Variants in AGAP1 observed in about 807,000 individuals in gnomAD.
The protein encoded by AGAP1 is arf-GAP with GTPase, ANK repeat and PH domain-containing protein 1.
AGAP1 carries 29 observed loss-of-function variants against 105.3 expected under a neutral mutation model. The ratio of observed to expected loss-of-function variants is 0.28; its 90% CI spans 0.21 to 0.38. The LOEUF is 0.38. AGAP1 is among the 10% of genes least tolerant of loss of function. AGAP1 has a pLI of 1.00. For synonymous variants in AGAP1, 509 were observed against 485.9 expected (o/e 1.05, Z -0.63); for missense variants, 998 against 1,165.1 (o/e 0.86, Z 2.09).
At chr2:235,794,746 A>G (rs1366616226) in intron 6 of AGAP1, among the ~76,000 whole-genome samples, 1 of 152,200 alleles carries the variant, frequency 6.6e-6, no homozygotes, top group East Asian at 1.9e-4. Flanking sequence ...TGCTGGGATT[A>G]CAGGTATGAG....
chr2:235,584,242 G>GA (rs1270917994), intron 1 of AGAP1, among the ~76,000 whole-genome samples: 1 of 150,996 alleles, frequency 6.6e-6, no homozygotes, highest in Non-Finnish European at 1.5e-5. Flanking sequence ...AAGGCCTTGG[G>GA]AAAGCCTGTG....
intron 13 of AGAP1, among the ~76,000 whole-genome samples, chr2:235,999,340 A>C (rs1462075411): frequency 1.2e-5 from 1 of 83,446 alleles, no homozygotes; most frequent in Non-Finnish European, 2.5e-5. Flanking sequence ...TGATGATGAT[A>C]GTGGTGATGG....
intron 6 of AGAP1, among the ~76,000 whole-genome samples, chr2:235,767,560 A>G (rs1955068419): frequency 6.6e-6 from 1 of 152,178 alleles, no homozygotes. Context: ...TCCTGGGAGC[A>G]TGACGGGAGT....
intron 11 of AGAP1, among the ~76,000 whole-genome samples, chr2:235,928,202 C>G (rs927380829): frequency 3.9e-5 from 6 of 152,196 alleles, no homozygotes; most frequent in Admixed American, 3.3e-4. Context: ...GTCTGGAAGC[C>G]TTTTGTCTGC....
Position 235,747,771 on chromosome 2 carries a change from C to T in AGAP1, c.539-2583C>T, listed in dbSNP as rs533557470. On this transcript the variant is annotated intron_variant, in intron 5 of 17. Transcript: ENST00000304032. The surrounding 1 kb of genome is among the most constrained non-coding windows in gnomAD (Gnocchi z 5.0). ...TCAGGGGTTTGGCTTCCTGGGATGC[C>T]AGAGACAAAAGAGGGATCAGGTTGT... Among the ~76,000 whole-genome samples, 1 of 152,354 alleles carries T rather than the reference C, an allele frequency of 6.6e-6. No homozygotes were observed. The highest frequency in any genetic ancestry group is 6.5e-5 in the Admixed American group (1 of 15,308).
In AGAP1 at chr2:235,739,945, G is replaced by A. The variant is rs569453826; in HGVS notation, c.311-1018G>A. ...GGCAGCATTGTCCTCTGGGTCCAGCGATTTGGGGTTTAGACAGGGTTTCTG... is the reference window on the plus strand; with the variant it reads ...GGCAGCATTGTCCTCTGGGTCCAGCAATTTGGGGTTTAGACAGGGTTTCTG... On this transcript the variant is annotated intron_variant, in intron 3 of 17. Coordinates refer to ENST00000304032, the MANE Select transcript of AGAP1 (RefSeq NM_001037131.3). This position sits in a 1 kb window ranked among gnomAD's most constrained non-coding sequence, Gnocchi z 5.3. Among the ~76,000 whole-genome samples the A allele has an allele frequency of 2.6e-5, 4 of 152,344 alleles. No individual in the cohort carries two copies. The highest frequency in any genetic ancestry group is 2.1e-4 in the South Asian group (1 of 4,820).
chr2:236,084,365 A>G (rs957344577), intron 16 of AGAP1, among the ~76,000 whole-genome samples: 2 of 152,212 alleles, frequency 1.3e-5, no homozygotes, highest in Admixed American at 6.5e-5. Context: ...TCTGGAACGA[A>G]TGATAAGTAG....
intron 9 of AGAP1, among the ~76,000 whole-genome samples, chr2:235,881,310 G>A (rs970311169): frequency 2.6e-5 from 4 of 152,158 alleles, no homozygotes; most frequent in African/African-American, 4.8e-5. Flanking sequence ...TTAGGAGGTC[G>A]ATGGAGGCTG....
In AGAP1 at chr2:235,705,944, A is replaced by C. The variant is rs1950511803; in HGVS notation, c.164-3235A>C. 6.6e-6 allele frequency among the ~76,000 whole-genome samples: 1 copy of C among 152,248 alleles called. No homozygotes were observed. The highest frequency in any genetic ancestry group is 6.5e-5 in the Admixed American group (1 of 15,288). ...GTATGTGTTGAAAAATCAGCAGTGC[A>C]TTGATGAATAGAGCTCATTTTAATT... On this transcript the variant is annotated intron_variant, in intron 1 of 17. Transcript: ENST00000304032. This position sits in a 1 kb window ranked among gnomAD's most constrained non-coding sequence, Gnocchi z 4.9.
chr2:235,510,053 TC>T (rs1942006307), intron 1 of AGAP1, among the ~76,000 whole-genome samples: 1 of 151,814 alleles, frequency 6.6e-6, no homozygotes, highest in Non-Finnish European at 1.5e-5. Context: ...CTGTCTCCTG[TC>T]CCCCCCAGCT....
intron 1 of AGAP1, among the ~76,000 whole-genome samples, chr2:235,541,031 A>G (rs1287436355): frequency 1.3e-5 from 2 of 152,236 alleles, no homozygotes; most frequent in Admixed American, 1.3e-4. Context: ...AAAAGGGAGT[A>G]TAACCATCAA....
intron 10 of AGAP1, among the ~76,000 whole-genome samples, chr2:235,894,091 G>A (rs4233624): frequency 0.72 from 109,878 of 152,142 alleles, 40,464 homozygotes; most frequent in East Asian, 0.96. Context: ...GAGATTGTAC[G>A]GATATTAAAG....
rs1343391930 is a variant in AGAP1, at chr2:235,741,896, G to C, written c.396+848G>C. 6.6e-6 allele frequency among the ~76,000 whole-genome samples: 1 copy of C among 151,734 alleles called. No homozygotes were observed. The highest frequency in any genetic ancestry group is 1.5e-5 in the Non-Finnish European group (1 of 67,954). On this transcript the variant is annotated intron_variant, in intron 4 of 17. Coordinates refer to ENST00000304032, the MANE Select transcript of AGAP1 (RefSeq NM_001037131.3). The surrounding 1 kb of genome is among the most constrained non-coding windows in gnomAD (Gnocchi z 4.9). ...AGCCTCCTGAGTAGCTGGGACTACGGGCGCCTGCTACCACGCCTGGCTAAT... is the reference window on the plus strand; with the variant it reads ...AGCCTCCTGAGTAGCTGGGACTACGCGCGCCTGCTACCACGCCTGGCTAAT...
Position 235,879,282 on chromosome 2 carries a change from A to C in AGAP1, c.1051-4063A>C, listed in dbSNP as rs1199340364. ...GCTCCAGCCACTGAAAGAAAAGTGC[A>C]CCTGCCCCAGCCCAGCTAGACCACA... On this transcript the variant is annotated intron_variant, in intron 9 of 17. Coordinates refer to ENST00000304032, the MANE Select transcript of AGAP1 (RefSeq NM_001037131.3). This position sits in a 1 kb window ranked among gnomAD's most constrained non-coding sequence, Gnocchi z 5.0. Among the ~76,000 whole-genome samples the C allele has an allele frequency of 2.0e-5, 3 of 152,162 alleles. No homozygotes were observed. Among genetic ancestry groups the C allele is most frequent in the African/African-American group, 4.8e-5 (2 of 41,434 alleles).
At position 235,777,117 on chromosome 2, in the gene AGAP1, G is replaced by A; in HGVS notation, c.674-20642G>A. ...CTCATGCCTGTAATTCCAGCACTTT[G>A]AGAGGCCAAGGCGGGTGGATCACGA... On this transcript the variant is annotated intron_variant, in intron 6 of 17. Transcript: ENST00000304032. This position sits in a 1 kb window ranked among gnomAD's most constrained non-coding sequence, Gnocchi z 5.1. 1 of 467,348 alleles carries A rather than the reference G, an allele frequency of 2.1e-6. No homozygotes were observed. The highest frequency in any genetic ancestry group is 4.4e-6 in the Non-Finnish European group (1 of 225,298). The allele number at this position is 467,348 out of a possible 1,614,324, so 29.0% of individuals were successfully genotyped here. A position where few individuals can be genotyped will look rare whatever the true frequency, so the allele number is the denominator to read the frequency against.
chr2:235,938,639 A>AACG (rs2053103333), intron 12 of AGAP1, among the ~76,000 whole-genome samples: 1 of 152,216 alleles, frequency 6.6e-6, no homozygotes, highest in African/African-American at 2.4e-5. Flanking sequence ...TGTCTGCAGA[A>AACG]ACGCTGTCAA....
At chr2:235,699,069 T>TC (rs5839607) in intron 1 of AGAP1, among the ~76,000 whole-genome samples, 1,778 of 140,368 alleles carry the variant, frequency 0.013, 7 homozygotes, top group East Asian at 0.016. Flanking sequence ...GCATCAGACA[T>TC]CCCCCCCCCC....
intron 13 of AGAP1, among the ~76,000 whole-genome samples, chr2:236,025,314 C>G (rs1013820377): frequency 3.3e-5 from 5 of 152,152 alleles, no homozygotes; most frequent in African/African-American, 7.2e-5. Context: ...CTGTCTCTGA[C>G]TGATGGGCCT....
At position 235,973,200 on chromosome 2, in the gene AGAP1, T is replaced by A. The variant is rs1431428926; in HGVS notation, c.1645+4577T>A. Reference sequence around the variant, plus strand: ...CTCCCTGCGCAGGTGCTCGCTGTGCTCTTTTTGCTGAAGAACAGCCACTTT... The same window carrying A: ...CTCCCTGCGCAGGTGCTCGCTGTGCACTTTTTGCTGAAGAACAGCCACTTT... On this transcript the variant is annotated intron_variant, in intron 13 of 17. Coordinates refer to ENST00000304032, the MANE Select transcript of AGAP1 (RefSeq NM_001037131.3). This position sits in a 1 kb window ranked among gnomAD's most constrained non-coding sequence, Gnocchi z 4.7. Among the ~76,000 whole-genome samples the A allele has an allele frequency of 1.3e-5, 2 of 152,116 alleles. No individual in the cohort carries two copies. Among genetic ancestry groups the A allele is most frequent in the African/African-American group, 2.4e-5 (1 of 41,422 alleles).
Sources: allele counts gnomAD v4.1 joint callset (sites outside exome capture counted in the v4.1 genomes callset), GRCh38; gene constraint gnomAD v4.1.1; non-coding constraint Gnocchi (gnomAD v3.1); transcripts MANE v1.5; gene names NCBI Gene and HGNC (gene_info 2026-07-23, HGNC 2026-07-21).